PITPNC1: variants seen among roughly 807,000 people sequenced by gnomAD.
PITPNC1 encodes the protein cytoplasmic phosphatidylinositol transfer protein 1.
PITPNC1 carries 18 observed loss-of-function variants against 44.7 expected under a neutral mutation model. That is an observed-to-expected ratio of 0.40 (90% CI 0.28 to 0.60). PITPNC1 has a LOEUF of 0.60. Ranked by LOEUF, PITPNC1 falls within the 20% of genes least tolerant of loss-of-function variation. The pLI is 0.39. For synonymous variants in PITPNC1, 141 were observed against 149.6 expected (o/e 0.94, Z 0.42); for missense variants, 290 against 418.4 (o/e 0.69, Z 2.68).
At chr17:67,467,443 C>T (rs1188418975) in intron 1 of PITPNC1, among the ~76,000 whole-genome samples, 1 of 152,062 alleles carries the variant, frequency 6.6e-6, no homozygotes, top group Non-Finnish European at 1.5e-5. Context: ...TTCATTTGCA[C>T]CTTTTTCATT....
At chr17:67,606,468 C>T (rs1286133493) in intron 5 of PITPNC1, among the ~76,000 whole-genome samples, 1 of 152,196 alleles carries the variant, frequency 6.6e-6, no homozygotes. Flanking sequence ...CCAAAGAGCT[C>T]CAAAGAGCAC....
intron 5 of PITPNC1, among the ~76,000 whole-genome samples, chr17:67,581,823 A>G (rs2041238680): frequency 6.6e-6 from 1 of 152,198 alleles, no homozygotes; most frequent in African/African-American, 2.4e-5. Context: ...ACCTGAGGTC[A>G]GGAGTTTGAG....
intron 1 of PITPNC1, among the ~76,000 whole-genome samples, chr17:67,452,063 A>G (rs1354949632): frequency 1.3e-5 from 2 of 151,726 alleles, no homozygotes; most frequent in African/African-American, 4.8e-5. Flanking sequence ...CCCAGGCTAG[A>G]GTGCAATCAC....
At chr17:67,379,958 G>C (rs2037932056) in intron 1 of PITPNC1, among the ~76,000 whole-genome samples, 1 of 152,100 alleles carries the variant, frequency 6.6e-6, no homozygotes, top group African/African-American at 2.4e-5. Context: ...TCAGGCAGAT[G>C]CTTTTCCCAC....
At chr17:67,496,908 T>C (rs977365259) in intron 1 of PITPNC1, among the ~76,000 whole-genome samples, 2 of 150,852 alleles carry the variant, frequency 1.3e-5, no homozygotes, top group African/African-American at 2.4e-5. Flanking sequence ...GAGCTTACCA[T>C]AGTTTAAAAA....
chr17:67,453,859 T>C (rs747520720), intron 1 of PITPNC1, among the ~76,000 whole-genome samples: 2 of 152,220 alleles, frequency 1.3e-5, no homozygotes, highest in Non-Finnish European at 2.9e-5. Context: ...TTCTCTGATA[T>C]GCAGTGGTCT....
At chr17:67,412,373 G>C (rs1479122855) in intron 1 of PITPNC1, among the ~76,000 whole-genome samples, 2 of 152,074 alleles carry the variant, frequency 1.3e-5, no homozygotes, top group African/African-American at 4.8e-5. Context: ...AGCTCCAGGA[G>C]CCTTGGAATT....
intron 1 of PITPNC1, among the ~76,000 whole-genome samples, chr17:67,442,486 C>G (rs932406308): frequency 4.0e-5 from 6 of 151,298 alleles, no homozygotes; most frequent in Middle Eastern, 3.4e-3. Context: ...ACAAGCATAT[C>G]TTTATTTAGA....
chr17:67,439,310 G>A (rs2038979266), intron 1 of PITPNC1, among the ~76,000 whole-genome samples: 1 of 152,144 alleles, frequency 6.6e-6, no homozygotes, highest in African/African-American at 2.4e-5. Context: ...AGCTGTGTTT[G>A]CTATTGGCAT....
chr17:67,641,946 G>A (rs140301041), intron 6 of PITPNC1, among the ~76,000 whole-genome samples: 6 of 152,070 alleles, frequency 3.9e-5, no homozygotes, highest in African/African-American at 9.6e-5. Flanking sequence ...TTGTTCTAAC[G>A]TCTCTGTAGA....
chr17:67,575,781 C>T (rs1468929029), intron 4 of PITPNC1, among the ~76,000 whole-genome samples: 2 of 124,828 alleles, frequency 1.6e-5, no homozygotes, highest in African/African-American at 6.2e-5. Flanking sequence ...TTCTTTCTTT[C>T]TTTTCTTTCT....
Position 67,378,334 on chromosome 17 carries a change from G to C in PITPNC1, c.48+132G>C, listed in dbSNP as rs527978460. On this transcript the variant is annotated intron_variant, in intron 1 of 8. Coordinates refer to ENST00000581322, the MANE Select transcript of PITPNC1 (RefSeq NM_012417.4). ...TTACCCCGCAAACCCGAAGCCTGGA[G>C]GAGAGGAGGGAGGGGATTTGCGGCT... The C allele has an allele frequency of 5.5e-4, 298 of 536,972 alleles. 2 individuals carry two copies. The South Asian group carries it at 8.1e-3, about 15-fold the overall frequency. The allele number at this position is 536,972 out of a possible 1,614,324, so 33.3% of individuals were successfully genotyped here. A position where few individuals can be genotyped will look rare whatever the true frequency, so the allele number is the denominator to read the frequency against.
chr17:67,594,709 C>T (rs547938724), intron 5 of PITPNC1, among the ~76,000 whole-genome samples: 4 of 152,228 alleles, frequency 2.6e-5, no homozygotes, highest in East Asian at 1.9e-4. Context: ...TCAACAGAAC[C>T]GTGGCAGAAT....
chr17:67,483,566 A>G (rs1303123246), intron 1 of PITPNC1, among the ~76,000 whole-genome samples: 1 of 152,196 alleles, frequency 6.6e-6, no homozygotes, highest in East Asian at 1.9e-4. Flanking sequence ...ACTCTGGGGT[A>G]TGATTCTGGT....
At chr17:67,510,457 T>C (rs1254187363) in intron 1 of PITPNC1, among the ~76,000 whole-genome samples, 3 of 152,262 alleles carry the variant, frequency 2.0e-5, no homozygotes, top group Non-Finnish European at 4.4e-5. Context: ...ACCCCTGGGC[T>C]GGCTTTTGCT....
intron 1 of PITPNC1, among the ~76,000 whole-genome samples, chr17:67,446,131 C>G (rs1208785919): frequency 6.6e-6 from 1 of 151,690 alleles, no homozygotes; most frequent in Admixed American, 6.6e-5. Context: ...ATTTTTGGTA[C>G]AGACGGGGTT....
intron 1 of PITPNC1, among the ~76,000 whole-genome samples, chr17:67,413,773 A>G (rs756677812): frequency 2.4e-4 from 37 of 152,158 alleles, no homozygotes; most frequent in Non-Finnish European, 4.0e-4. Context: ...AGGCATGCAG[A>G]CAGTTCGATG....
chr17:67,654,314 C>T (rs2042240483), intron 6 of PITPNC1, among the ~76,000 whole-genome samples: 1 of 152,200 alleles, frequency 6.6e-6, no homozygotes, highest in Non-Finnish European at 1.5e-5. Context: ...CAGGCTTTCA[C>T]TCACACAAGG....
intron 1 of PITPNC1, among the ~76,000 whole-genome samples, chr17:67,416,263 G>T (rs1239018126): frequency 1.5e-5 from 2 of 134,148 alleles, no homozygotes; most frequent in African/African-American, 5.7e-5. Flanking sequence ...ATGCTGGAGT[G>T]CAGTGGTGCA....
Sources: gnomAD v4.1 joint callset for allele counts (sites outside exome capture counted in the v4.1 genomes callset) on GRCh38, gnomAD v4.1.1 for gene constraint, MANE v1.5 for transcripts, NCBI Gene and HGNC (gene_info 2026-07-23, HGNC 2026-07-21) for gene names.